EDNRB: variants seen among roughly 807,000 people sequenced by gnomAD.
EDNRB encodes the protein Hirschsprung disease 2.
A neutral mutation model predicts 46.4 loss-of-function variants in EDNRB; 18 were observed. The ratio of observed to expected loss-of-function variants is 0.39; its 90% confidence interval spans 0.27 to 0.57. EDNRB has a LOEUF of 0.57. Among genes scored for constraint, EDNRB ranks in the 20% least tolerant of loss-of-function variants. The probability of loss-of-function intolerance (pLI) is 0.61; values close to 1 mark genes in which losing one functional copy is unlikely to be tolerated. For synonymous variants in EDNRB, 213 were observed against 204.9 expected, an observed-to-expected ratio of 1.04 and a Z score of -0.34; for missense variants, 434 against 537.5, an observed-to-expected ratio of 0.81 and a Z score of 1.90.
chr13:77,900,411 C>T (rs1566304475), intron 5 of EDNRB, 110 bp downstream of exon 5: 52 of 1,521,280 alleles, frequency 3.4e-5, no homozygotes, highest in Non-Finnish European at 4.4e-5. Context: ...TCCATGACTT[C>T]CTAAGGGTTA....
chr13:77,911,332 G>T (rs990599129), intron 1 of EDNRB, among the ~76,000 whole-genome samples: 1 of 152,012 alleles, frequency 6.6e-6, no homozygotes, highest in Non-Finnish European at 1.5e-5. Flanking sequence ...AATTCTATCT[G>T]TGGAATATCT....
intron 1 of EDNRB, among the ~76,000 whole-genome samples, chr13:77,967,805 T>C (rs1248854520): frequency 2.0e-5 from 3 of 152,198 alleles, no homozygotes; most frequent in Admixed American, 2.0e-4. Flanking sequence ...TCCTAAGAGC[T>C]ATGTAGATGT....
intron 1 of EDNRB, among the ~76,000 whole-genome samples, chr13:77,943,651 C>G (rs1342218646): frequency 6.6e-6 from 1 of 152,038 alleles, no homozygotes; most frequent in African/African-American, 2.4e-5. Context: ...CAGCCTTTAG[C>G]ATTCTTGACT....
chr13:77,906,993 G>A (rs1175155207), intron 1 of EDNRB, among the ~76,000 whole-genome samples: 2 of 151,924 alleles, frequency 1.3e-5, no homozygotes, highest in African/African-American at 4.8e-5. Context: ...GGAGGTGATT[G>A]TACAAAACAA....
At chr13:77,951,644 C>G (rs977646344) in intron 1 of EDNRB, among the ~76,000 whole-genome samples, 2 of 152,116 alleles carry the variant, frequency 1.3e-5, no homozygotes, top group African/African-American at 2.4e-5. Flanking sequence ...CAGCATAGCC[C>G]GTGGTGTCAA....
At chr13:77,962,353 C>G (rs532909608) in intron 1 of EDNRB, among the ~76,000 whole-genome samples, 2 of 152,136 alleles carry the variant, frequency 1.3e-5, no homozygotes, top group Admixed American at 6.5e-5. Flanking sequence ...GACCAATATC[C>G]CTGATGAACT....
chr13:77,922,910 C>T (rs1046514549), upstream of EDNRB, among the ~76,000 whole-genome samples: 1 of 152,124 alleles, frequency 6.6e-6, no homozygotes, highest in Non-Finnish European at 1.5e-5. Context: ...CCTGTTAAAA[C>T]GCTCATTAAG....
At position 77,933,407 on chromosome 13, in the gene EDNRB, C is replaced by T. The variant is rs144618748; in HGVS notation, c.-51-14783G>A. Among the ~76,000 whole-genome samples the T allele has an allele frequency of 3.9e-3, 587 of 152,054 alleles. 4 individuals carry two copies. Among genetic ancestry groups the T allele is most frequent in the African/African-American group, 0.013 (536 of 41,450 alleles). ...CAGTCAAAGGGGGGTTGTTCTCTGG[C>T]GGGCAGGAGTAGGGGTCACAAGGTG... On this transcript the variant is annotated intron_variant, in intron 1 of 7. Coordinates refer to the EDNRB transcript ENST00000646948.
chr13:77,915,473 TG>T (rs1879764409), intron 1 of EDNRB, among the ~76,000 whole-genome samples: 1 of 152,160 alleles, frequency 6.6e-6, no homozygotes, highest in East Asian at 1.9e-4. Flanking sequence ...TGGGATGGGG[TG>T]GACCACAGGG....
Position 77,895,703 on chromosome 13 carries a change from C to A in EDNRB, c.*2497G>T, listed in dbSNP as rs1224435169. ...CATAATAAAAAATCAGTAACTATAG[C>A]CACTTTAGGCAACCAAAAAATCCTC... On this transcript the variant is annotated 3_prime_UTR_variant, in exon 7 of 7. Coordinates refer to ENST00000646607, the MANE Select transcript of EDNRB (RefSeq NM_001122659.3). 1 of 151,878 alleles carries A rather than the reference C, an allele frequency of 6.6e-6. No individual in the cohort carries two copies. Among genetic ancestry groups the A allele is most frequent in the Middle Eastern group, 3.2e-3 (1 of 316 alleles). The allele number at this position is 151,878 out of a possible 1,614,324, so 9.4% of individuals were successfully genotyped here.
chr13:77,905,018 C>A (rs183927003), intron 1 of EDNRB, among the ~76,000 whole-genome samples: 9 of 151,990 alleles, frequency 5.9e-5, no homozygotes, highest in African/African-American at 2.2e-4. Context: ...GGACCAACTT[C>A]ATTTCTAAGT....
At chr13:77,945,281 C>G (rs993499090) in intron 1 of EDNRB, among the ~76,000 whole-genome samples, 1 of 152,104 alleles carries the variant, frequency 6.6e-6, no homozygotes, top group African/African-American at 2.4e-5. Context: ...TAAACTAAAA[C>G]TCTAGGAAGA....
At chr13:77,949,926 T>C (rs181224262) in intron 1 of EDNRB, among the ~76,000 whole-genome samples, 3 of 152,264 alleles carry the variant, frequency 2.0e-5, no homozygotes, top group East Asian at 3.9e-4. Flanking sequence ...AGTGACCATA[T>C]AACCTCTCCT....
At chr13:77,921,025 A>G (rs1451587513), upstream of EDNRB, among the ~76,000 whole-genome samples, 1 of 152,076 alleles carries the variant, frequency 6.6e-6, no homozygotes. Context: ...ATCCTCACTG[A>G]GGTCTATCTC....
At position 77,918,029 on chromosome 13, in the gene EDNRB, T is replaced by A; in HGVS notation, c.483+62A>T. ...AGCTCCCTCTACAAGCTTTCTCATC[T>A]CCCCGTCTCCAACCAGGCCCCCTTC... On this transcript the variant is annotated intron_variant, in intron 1 of 6. Coordinates refer to ENST00000646607, the MANE Select transcript of EDNRB (RefSeq NM_001122659.3). The surrounding 1 kb of genome is among the most constrained non-coding windows in gnomAD (Gnocchi z 4.5). The A allele has an allele frequency of 6.2e-7, 1 of 1,611,926 alleles. No individual in the cohort carries two copies. Among genetic ancestry groups the A allele is most frequent in the Non-Finnish European group, 8.5e-7 (1 of 1,179,754 alleles).
chr13:77,918,082 G>C lies in EDNRB; in HGVS notation c.483+9C>G, dbSNP rs778365019. On this transcript the variant is annotated intron_variant, in intron 1 of 6. Transcript: ENST00000646607. This position sits in a 1 kb window ranked among gnomAD's most constrained non-coding sequence, Gnocchi z 4.5. ...CAAGCCCACCATGATTTCAGCAGGC[G>C]CCCTTTACCTTGTAGACATTGATAG... 2 of 1,613,880 alleles carry C rather than the reference G, an allele frequency of 1.2e-6. No homozygotes were observed. Among genetic ancestry groups the C allele is most frequent in the Admixed American group, 3.3e-5 (2 of 60,000 alleles).
intron 1 of EDNRB, among the ~76,000 whole-genome samples, chr13:77,967,298 T>TA (rs1881609520): frequency 3.9e-5 from 6 of 152,160 alleles, no homozygotes; most frequent in Non-Finnish European, 8.8e-5. Flanking sequence ...TAAACATCTT[T>TA]TGCAGCCAGG....
Position 77,918,065 on chromosome 13 carries a change from C to A in EDNRB, c.483+26G>T. 2.5e-6 allele frequency: 4 copies of A among 1,613,782 alleles called. No homozygotes were observed. The highest frequency in any genetic ancestry group is 3.4e-6 in the Non-Finnish European group (4 of 1,180,034). On this transcript the variant is annotated intron_variant, in intron 1 of 6. Coordinates refer to ENST00000646607, the MANE Select transcript of EDNRB (RefSeq NM_001122659.3). This position sits in a 1 kb window ranked among gnomAD's most constrained non-coding sequence, Gnocchi z 4.5. ...AACCAGGCCCCCTTCCTCAAGCCCA[C>A]CATGATTTCAGCAGGCGCCCTTTAC...
intron 1 of EDNRB, among the ~76,000 whole-genome samples, chr13:77,916,817 T>C (rs1397948225): frequency 6.6e-6 from 1 of 152,238 alleles, no homozygotes; most frequent in Non-Finnish European, 1.5e-5. Context: ...TGTGTTTTTA[T>C]GTGCAACTTT....
Sources: gnomAD v4.1 joint callset for allele counts (sites outside exome capture counted in the v4.1 genomes callset) on GRCh38, gnomAD v4.1.1 for gene constraint, Gnocchi (gnomAD v3.1) non-coding constraint, MANE v1.5 for transcripts, NCBI Gene and HGNC (gene_info 2026-07-23, HGNC 2026-07-21) for gene names.